SLC26A5: variants seen among roughly 807,000 people sequenced by gnomAD.
The protein encoded by SLC26A5 is prestin.
In SLC26A5, 51 loss-of-function variants were observed where a neutral mutation model predicts 81.0. That is an observed-to-expected ratio of 0.63 (90% CI 0.50 to 0.80). SLC26A5 has a LOEUF of 0.80. SLC26A5 is among the 30% of genes least tolerant of loss of function. The probability of loss-of-function intolerance (pLI) is 0.00; values close to 1 mark genes in which losing one functional copy is unlikely to be tolerated. For synonymous variants in SLC26A5, 325 were observed against 332.8 expected (o/e 0.98, Z 0.25); for missense variants, 771 against 905.8 (o/e 0.85, Z 1.91).
intron 19 of SLC26A5, chr7:103,362,788 C>G: frequency 2.5e-6 from 3 of 1,199,640 alleles, no homozygotes; most frequent in Non-Finnish European, 3.6e-6. Context: ...AAAAGGAAGG[C>G]TATGTCTTTT....
intron 2 of SLC26A5, among the ~76,000 whole-genome samples, chr7:103,432,777 G>A (rs1826174309): frequency 6.6e-6 from 1 of 152,026 alleles, no homozygotes. Context: ...GGAAGGGGAG[G>A]AGTGGTTCTG....
rs566472576 is a variant in SLC26A5, at chr7:103,423,073, C to T, written c.-53-1506G>A. ...GGTCAGGAGTTCGAAACCAACCTGG[C>T]CAACATGGAGAAAACCTGCCTCTAC... On this transcript the variant is annotated intron_variant, in intron 2 of 19. Coordinates refer to ENST00000306312, the MANE Select transcript of SLC26A5 (RefSeq NM_198999.3). 3.4e-5 allele frequency among the ~76,000 whole-genome samples: 5 copies of T among 147,698 alleles called. No homozygotes were observed. The East Asian group carries it at 5.9e-4, about 18-fold the overall frequency.
chr7:103,362,385 A>C, intron 19 of SLC26A5: 1 of 1,337,234 alleles, frequency 7.5e-7, no homozygotes, highest in Non-Finnish European at 9.5e-7. Context: ...TTGCTTTAGG[A>C]TAGTTGTGAT....
intron 12 of SLC26A5, 91 bp downstream of exon 12, chr7:103,390,337 TA>T (rs1563530350): frequency 2.6e-6 from 3 of 1,171,460 alleles, no homozygotes; most frequent in Non-Finnish European, 3.8e-6. Context: ...TTACAGTAAA[TA>T]ACCCTAATAT....
intron 7 of SLC26A5, among the ~76,000 whole-genome samples, chr7:103,409,287 C>T (rs571268363): frequency 6.6e-6 from 1 of 152,358 alleles, no homozygotes; most frequent in Admixed American, 6.5e-5. Flanking sequence ...CAGTGTCTGG[C>T]ACATAAATAC....
In SLC26A5 at chr7:103,408,406, T is replaced by C. The variant is rs191234957; in HGVS notation, c.736-403A>G. ...CACACCCAGCTAATTTTTGTATTTT[T>C]AGTAGACACGGAGTTTCACCATGTT... On this transcript the variant is annotated intron_variant, in intron 7 of 19. Coordinates refer to ENST00000306312, the MANE Select transcript of SLC26A5 (RefSeq NM_198999.3). 1.6e-4 allele frequency among the ~76,000 whole-genome samples: 25 copies of C among 152,176 alleles called. No homozygotes were observed. The East Asian group carries it at 4.3e-3, about 26-fold the overall frequency.
chr7:103,425,206 G>A (rs1237991436), intron 2 of SLC26A5, among the ~76,000 whole-genome samples: 1 of 152,100 alleles, frequency 6.6e-6, no homozygotes, highest in East Asian at 1.9e-4. Context: ...ATTAAGCAGA[G>A]CAATTATATT....
intron 4 of SLC26A5, among the ~76,000 whole-genome samples, chr7:103,416,140 G>A (rs377387529): frequency 6.6e-6 from 1 of 152,076 alleles, no homozygotes; most frequent in African/African-American, 2.4e-5. Context: ...ATGTGTTTTT[G>A]TATCTCTTTT....
chr7:103,359,372 T>C (rs1271332040), intron 19 of SLC26A5, among the ~76,000 whole-genome samples: 5 of 152,100 alleles, frequency 3.3e-5, no homozygotes, highest in Non-Finnish European at 1.5e-5. Flanking sequence ...TTTTAAAGTA[T>C]ACAATTTAGT....
chr7:103,408,220 G>GTTAT lies in SLC26A5; in HGVS notation c.736-221_736-218dup, dbSNP rs1199447724. On this transcript the variant is annotated intron_variant, in intron 7 of 19. Transcript: ENST00000306312. ...TTGTTACTCTTTTCTTTTTATAGTT[G>GTTAT]TTATTTATTTATTTATTTATTTTTG... is the stretch of plus-strand genomic sequence containing the variant. Among the ~76,000 whole-genome samples the GTTAT allele has an allele frequency of 8.3e-4, 126 of 152,028 alleles. 1 individual carries two copies. Among genetic ancestry groups the GTTAT allele is most frequent in the Middle Eastern group, 3.4e-3 (1 of 294 alleles).
At chr7:103,433,004 C>CT (rs1826189770) in intron 2 of SLC26A5, among the ~76,000 whole-genome samples, 1 of 152,120 alleles carries the variant, frequency 6.6e-6, no homozygotes, top group Admixed American at 6.6e-5. Context: ...TCAAGGGTGA[C>CT]TTTCTTTTTT....
chr7:103,360,493 A>T (rs1025624419), intron 19 of SLC26A5, among the ~76,000 whole-genome samples: 6 of 152,158 alleles, frequency 3.9e-5, no homozygotes, highest in Non-Finnish European at 7.3e-5. Flanking sequence ...TCCTGGGCTC[A>T]AGTGATCCTC....
chr7:103,376,780 CT>C, intron 19 of SLC26A5, 27 bp downstream of exon 19: 1 of 1,507,554 alleles, frequency 6.6e-7, no homozygotes, highest in Non-Finnish European at 9.2e-7. Flanking sequence ...AAATATTAAG[CT>C]TCACCCCATC....
At position 103,428,613 on chromosome 7, in the gene SLC26A5, A is replaced by C. The variant is rs183408619; in HGVS notation, c.-53-7046T>G. 9.5e-4 allele frequency among the ~76,000 whole-genome samples: 127 copies of C among 133,212 alleles called. No homozygotes were observed. The East Asian group carries it at 0.019, about 20-fold the overall frequency. The allele number at this position is 133,212 out of a possible 152,430, so 87.4% of individuals were successfully genotyped here. A position where few individuals can be genotyped will look rare whatever the true frequency, so the allele number is the denominator to read the frequency against. ...CACCTGCTCTTGTTGCCCAGGCTGT[A>C]GTGCAGTGGCACCATCTTGGCTCAC... On this transcript the variant is annotated intron_variant, in intron 2 of 19. Coordinates refer to ENST00000306312, the MANE Select transcript of SLC26A5 (RefSeq NM_198999.3).
At chr7:103,377,181 G>C (rs1331830953) in intron 18 of SLC26A5, among the ~76,000 whole-genome samples, 1 of 152,098 alleles carries the variant, frequency 6.6e-6, no homozygotes, top group African/African-American at 2.4e-5. Flanking sequence ...CATCTCACTA[G>C]TTTACTCATG....
At chr7:103,409,999 G>T (rs886777402) in intron 7 of SLC26A5, among the ~76,000 whole-genome samples, 1 of 152,076 alleles carries the variant, frequency 6.6e-6, no homozygotes. Flanking sequence ...AAGCCACCAC[G>T]CCCGGCCTTA....
intron 8 of SLC26A5, among the ~76,000 whole-genome samples, chr7:103,400,845 A>G (rs557498622): frequency 1.3e-5 from 2 of 152,284 alleles, no homozygotes; most frequent in Admixed American, 6.5e-5. Flanking sequence ...TGTTTTTGCC[A>G]AGTTTGTCAA....
chr7:103,390,287 G>A (rs1822540975), intron 12 of SLC26A5, 142 bp downstream of exon 12: 1 of 789,822 alleles, frequency 1.3e-6, no homozygotes, highest in African/African-American at 1.7e-5. Context: ...GCAGGATCTT[G>A]GTCCTAGCCT....
At position 103,392,987 on chromosome 7, in the gene SLC26A5, A is replaced by C; in HGVS notation, c.1051T>G (p.Phe351Val). Residue 351 changes from phenylalanine (F) to valine (V), a missense_variant, in exon 10 of 20, where the codon TTT becomes GTT. Transcript: ENST00000306312. ...VDAIAIAIVG[F>V]SVTISMAKTL... is the part of the protein sequence containing the mutation. ...TTGGCCATGGAGATGGTCACTGAAA[A>C]TCCAACGATGGCTATGGCAATGGCA... 1 of 1,613,962 alleles carries C rather than the reference A, an allele frequency of 6.2e-7. No individual in the cohort carries two copies. The highest frequency in any genetic ancestry group is 8.5e-7 in the Non-Finnish European group (1 of 1,179,880).
Sources: gnomAD v4.1 joint callset for allele counts (sites outside exome capture counted in the v4.1 genomes callset) on GRCh38, gnomAD v4.1.1 for gene constraint, MANE v1.5 for transcripts, NCBI Gene and HGNC (gene_info 2026-07-23, HGNC 2026-07-21) for gene names.